FAM136A: variants seen among roughly 807,000 people sequenced by gnomAD.
FAM136A encodes TIM double twin CX3C motif protein.
A neutral mutation model predicts 21.6 loss-of-function variants in FAM136A; 25 were observed. That is an observed-to-expected ratio of 1.16 (90% CI 0.84 to 1.62). The LOEUF (loss-of-function observed/expected upper bound fraction) is 1.62. Ranked by LOEUF, FAM136A falls within the 40% of genes most tolerant of loss-of-function variation. The probability of loss-of-function intolerance (pLI) is 0.00; values close to 1 mark genes in which losing one functional copy is unlikely to be tolerated. For missense variants in FAM136A, 338 were observed against 332.0 expected (o/e 1.02, Z -0.14); for synonymous variants, 119 against 129.4 (o/e 0.92, Z 0.55).
chr2:70,301,962 A>C lies in FAM136A; in HGVS notation c.50T>G (p.Val17Gly). 6.2e-7 allele frequency: 1 copy of C among 1,608,692 alleles called. No homozygotes were observed. Among genetic ancestry groups the C allele is most frequent in the Non-Finnish European group, 8.5e-7 (1 of 1,178,710 alleles). ...GATGTTCTCTCTTTCCAGACTCTTC[A>C]CCATGGACTCCACCGCCTCCTGCAC... ...LRVQEAVESM[V>G]KSLERENIRK... The change falls in exon 1 of 3, where the codon GTG (valine) becomes GGG (glycine). Residue 17 changes from valine (V) to glycine (G), a missense_variant. By Grantham distance (109) the Val-to-Gly change is moderately radical. Coordinates refer to ENST00000430566, the MANE Select transcript of FAM136A (RefSeq NM_001329752.2).
At chr2:70,301,244 G>T in intron 1 of FAM136A, 1 of 922,240 alleles carries the variant, frequency 1.1e-6, no homozygotes, top group Non-Finnish European at 1.6e-6. Context: ...ACAGAGGTTC[G>T]CCCGAGTGGG....
rs1472061054 is a variant in FAM136A at position 70,296,131 on chromosome 2, G to C, written c.*1158C>G. On this transcript the variant is annotated 3_prime_UTR_variant, in exon 3 of 3. Coordinates refer to ENST00000430566, the MANE Select transcript of FAM136A (RefSeq NM_001329752.2). ...TGCTATCAAAACAATAAGGTGCCATGCTGGGGCAGGAACACTGCCAGCTGC... is the reference window on the plus strand; with the variant it reads ...TGCTATCAAAACAATAAGGTGCCATCCTGGGGCAGGAACACTGCCAGCTGC... 2 of 152,678 alleles carry C rather than the reference G, an allele frequency of 1.3e-5. No homozygotes were observed. Among genetic ancestry groups the C allele is most frequent in the African/African-American group, 4.8e-5 (2 of 41,462 alleles). 9.5% of individuals were successfully genotyped at this position (152,678 alleles called of 1,614,324 possible).
Position 70,296,382 on chromosome 2 carries a change from GT to G in FAM136A, c.*906del, listed in dbSNP as rs1697247953. ...ATAAAACCAGGTTTTCCCAAATCCA[GT>G]ACTTCATTTACTCTGTTGTAATCAA... On this transcript the variant is annotated 3_prime_UTR_variant, in exon 3 of 3. Transcript: ENST00000430566. The G allele has an allele frequency of 6.6e-6, 1 of 151,980 alleles. No homozygotes were observed. The highest frequency in any genetic ancestry group is 2.4e-5 in the African/African-American group (1 of 41,382). 9.4% of individuals were successfully genotyped at this position (151,980 alleles called of 1,614,324 possible). A position where few individuals can be genotyped will look rare whatever the true frequency, so the allele number is the denominator to read the frequency against.
rs772633332 is a variant in FAM136A at position 70,302,025 on chromosome 2, T to TGCCCCGCGGC, written c.-24_-15dup. 23 of 1,570,952 alleles carry TGCCCCGCGGC rather than the reference T, an allele frequency of 1.5e-5. No homozygotes were observed. Among genetic ancestry groups the TGCCCCGCGGC allele is most frequent in the Non-Finnish European group, 2.0e-5 (23 of 1,163,780 alleles). On this transcript the variant is annotated 5_prime_UTR_variant, in exon 1 of 3. Transcript: ENST00000430566. ...CAGCTCAGCCATGGCGACCCCGCGC[T>TGCCCCGCGGC]GCCCCGCGGCGCTCCGCGCCGGCGC...
chr2:70,300,191 G>A (rs1266732289), intron 2 of FAM136A, among the ~76,000 whole-genome samples: 2 of 151,962 alleles, frequency 1.3e-5, no homozygotes, highest in East Asian at 1.9e-4. Flanking sequence ...CGAGCTACGC[G>A]TCCAGCCAGG....
chr2:70,299,061 T>G (rs578158328), intron 2 of FAM136A, among the ~76,000 whole-genome samples: 66 of 152,320 alleles, frequency 4.3e-4, no homozygotes, highest in African/African-American at 1.6e-3. Context: ...TCTATAAAAT[T>G]AGCTGTCAAA....
Position 70,297,029 on chromosome 2 carries a change from A to G in FAM136A, c.*260T>C. On this transcript the variant is annotated 3_prime_UTR_variant, in exon 3 of 3. Transcript: ENST00000430566. The stretch of plus-strand genomic sequence containing the variant: ...AGGGGAAAGCCTTACTGCCAGGACA[A>G]GCACTGGCCACAGGAAATAATAAGC... 1 of 372,182 alleles carries G rather than the reference A, an allele frequency of 2.7e-6. No individual in the cohort carries two copies. The highest frequency in any genetic ancestry group is 5.0e-6 in the Non-Finnish European group (1 of 201,480). 23.1% of individuals were successfully genotyped at this position (372,182 alleles called of 1,614,324 possible). A position where few individuals can be genotyped will look rare whatever the true frequency, so the allele number is the denominator to read the frequency against.
Position 70,297,463 on chromosome 2 carries a change from C to T in FAM136A, c.564G>A (p.Arg188=). ...ELEKFQDRLA[R]CTMHCNDKAK... is the part of the protein sequence containing the mutation. The stretch of plus-strand genomic sequence containing the variant: ...CTTTGTCGTTGCAATGCATGGTGCA[C>T]CGGGCCAGGCGGTCCTGTGGCAAGA... Residue 188 remains arginine, a synonymous_variant, in exon 3 of 3, where the codon CGG becomes CGA. Transcript: ENST00000430566. The T allele has an allele frequency of 1.2e-6, 2 of 1,613,856 alleles. No homozygotes were observed. Among genetic ancestry groups the T allele is most frequent in the South Asian group, 1.1e-5 (1 of 91,070 alleles).
intron 2 of FAM136A, among the ~76,000 whole-genome samples, chr2:70,300,264 C>T (rs116994118): frequency 2.0e-5 from 3 of 152,302 alleles, no homozygotes; most frequent in East Asian, 1.9e-4. Context: ...AACAAACAAA[C>T]GCCTCCTCCC....
rs1228053873 is a variant in FAM136A, at chr2:70,297,121, G to T, written c.*168C>A. 2 of 540,390 alleles carry T rather than the reference G, an allele frequency of 3.7e-6. No homozygotes were observed. The highest frequency in any genetic ancestry group is 6.2e-6 in the Non-Finnish European group (2 of 323,092). The allele number at this position is 540,390 out of a possible 1,614,324, so 33.5% of individuals were successfully genotyped here. ...ACTTTTTTCCATTTCATTTTTTAGG[G>T]ACTGAAACATAAAATAACCAGTGTC... On this transcript the variant is annotated 3_prime_UTR_variant, in exon 3 of 3. Coordinates refer to ENST00000430566, the MANE Select transcript of FAM136A (RefSeq NM_001329752.2).
chr2:70,301,369 A>C, intron 1 of FAM136A: 6 of 1,499,780 alleles, frequency 4.0e-6, no homozygotes, highest in Non-Finnish European at 4.4e-6. Flanking sequence ...CCGACCCACT[A>C]ATCAATGACT....
Position 70,301,668 on chromosome 2 carries a change from A to G in FAM136A, c.344T>C (p.Val115Ala). 1 of 1,534,980 alleles carries G rather than the reference A, an allele frequency of 6.5e-7. No individual in the cohort carries two copies. The change falls in exon 1 of 3, where the codon GTG (valine) becomes GCG (alanine). Residue 115 changes from valine (V) to alanine (A), a missense_variant. Coordinates refer to ENST00000430566, the MANE Select transcript of FAM136A (RefSeq NM_001329752.2). ...GAGCGCCTGCCACCAGGGGCTTCCC[A>G]CCTGCCGCCGAGGACGCTCCTGCCC... ...SPGQERPRRQVGSPWWQALAP... is the reference protein window; with the variant it reads ...SPGQERPRRQAGSPWWQALAP...
chr2:70,301,744 T>C lies in FAM136A; in HGVS notation c.268A>G (p.Ile90Val). ...CTCGCGCACGGCAAGGGCACACGGA[T>C]TTCATCCGATCCGCCAAAGCTTCCG... ...DFGSFGGSDEIRVPLPCARLF... is the reference protein window; with the variant it reads ...DFGSFGGSDEVRVPLPCARLF... Residue 90 changes from isoleucine to valine, a missense_variant, in exon 1 of 3, where the codon ATC (isoleucine) becomes GTC (valine). Transcript: ENST00000430566. 1 of 1,539,890 alleles carries C rather than the reference T, an allele frequency of 6.5e-7. No homozygotes were observed. Among genetic ancestry groups the C allele is most frequent in the Non-Finnish European group, 8.7e-7 (1 of 1,146,408 alleles).
chr2:70,299,952 C>G (rs1005970199), intron 2 of FAM136A, among the ~76,000 whole-genome samples: 3 of 149,418 alleles, frequency 2.0e-5, no homozygotes, highest in Non-Finnish European at 4.4e-5. Flanking sequence ...CAGGCTGGAG[C>G]GCAATGGCAT....
rs1211975515 is a variant in FAM136A, at chr2:70,301,861, T to C, written c.151A>G (p.Ser51Gly). 6.4e-7 allele frequency: 1 copy of C among 1,556,304 alleles called. No homozygotes were observed. Among genetic ancestry groups the C allele is most frequent in the South Asian group, 1.2e-5 (1 of 84,486 alleles). The change falls in exon 1 of 3, where the codon AGC (serine) becomes GGC (glycine). Residue 51 changes from serine to glycine, a missense_variant. Coordinates refer to ENST00000430566, the MANE Select transcript of FAM136A (RefSeq NM_001329752.2). ...LSGWVPGPSL[S>G]HHATPCTAAA... ...GCAGTGCAAGGCGTCGCGTGGTGGCTGAGGGAAGGGCCCGGAACCCACCCG... is the reference window on the plus strand; with the variant it reads ...GCAGTGCAAGGCGTCGCGTGGTGGCCGAGGGAAGGGCCCGGAACCCACCCG...
intron 2 of FAM136A, among the ~76,000 whole-genome samples, chr2:70,299,457 G>C (rs1315585137): frequency 6.6e-6 from 1 of 152,174 alleles, no homozygotes; most frequent in Non-Finnish European, 1.5e-5. Context: ...AGCAACTAGG[G>C]GCAGTCCTGG....
chr2:70,297,226 T>C lies in FAM136A; in HGVS notation c.*63A>G. 1 of 1,532,444 alleles carries C rather than the reference T, an allele frequency of 6.5e-7. No individual in the cohort carries two copies. The highest frequency in any genetic ancestry group is 2.3e-5 in the East Asian group (1 of 44,018). 94.9% of individuals were successfully genotyped at this position (1,532,444 alleles called of 1,614,324 possible). A position where few individuals can be genotyped will look rare whatever the true frequency, so the allele number is the denominator to read the frequency against. ...GTAAACTTTGCTTAAAAGACTAAAA[T>C]TCCCAATTCCTTATAAAAAATATAT... On this transcript the variant is annotated 3_prime_UTR_variant, in exon 3 of 3. Transcript: ENST00000430566.
Position 70,297,399 on chromosome 2 carries a change from C to A in FAM136A, c.628G>T (p.Val210Leu). ...SIDAGSKELQ[V>L]KQQLDSCVTK... is the part of the protein sequence containing the mutation. ...ACACAACTGTCCAGCTGCTGCTTCA[C>A]CTGAAGCTCCTTACTCCCAGCATCT... Residue 210 changes from valine to leucine, a missense_variant, in exon 3 of 3, where the codon GTG becomes TTG. Coordinates refer to ENST00000430566, the MANE Select transcript of FAM136A (RefSeq NM_001329752.2). The A allele has an allele frequency of 1.2e-6, 2 of 1,614,002 alleles. No homozygotes were observed. The highest frequency in any genetic ancestry group is 1.7e-6 in the Non-Finnish European group (2 of 1,179,896).
intron 2 of FAM136A, among the ~76,000 whole-genome samples, chr2:70,297,860 T>C (rs1697297112): frequency 6.6e-6 from 1 of 151,816 alleles, no homozygotes. Context: ...AGGCTGGTCT[T>C]GAACTCCTGG....
Sources: allele counts gnomAD v4.1 joint callset (sites outside exome capture counted in the v4.1 genomes callset), GRCh38; gene constraint gnomAD v4.1.1; transcripts MANE v1.5; gene names NCBI Gene and HGNC (gene_info 2026-07-23, HGNC 2026-07-21).